VPS53: variants seen among roughly 807,000 people sequenced by gnomAD.
The protein encoded by VPS53 is vacuolar protein sorting-associated protein 53 homolog.
In VPS53, 70 loss-of-function variants were observed where a neutral mutation model predicts 107.0. That is an observed-to-expected ratio of 0.65 (90% CI 0.54 to 0.80). The LOEUF is 0.80. Ranked by LOEUF, VPS53 falls within the 30% of genes least tolerant of loss-of-function variation. The probability of loss-of-function intolerance (pLI) is 0.00; values close to 1 mark genes in which losing one functional copy is unlikely to be tolerated. For synonymous variants in VPS53, 409 were observed against 393.3 expected (o/e 1.04, Z -0.47); for missense variants, 917 against 1,049.4 (o/e 0.87, Z 1.74).
intron 17 of VPS53, among the ~76,000 whole-genome samples, chr17:549,581 T>C (rs3744733): frequency 0.17 from 22,455 of 135,976 alleles, 2,164 homozygotes; most frequent in East Asian, 0.29. Context: ...CGTGATTTTA[T>C]TGAAAAAAAA....
intron 18 of VPS53, among the ~76,000 whole-genome samples, chr17:535,223 A>AG (rs960636389): frequency 1.2e-4 from 18 of 152,260 alleles, no homozygotes; most frequent in Non-Finnish European, 2.4e-4. Context: ...TACAGATGTG[A>AG]GGGGGGGCAT....
At chr17:555,197 C>T (rs1038124540) in intron 15 of VPS53, among the ~76,000 whole-genome samples, 10 of 152,270 alleles carry the variant, frequency 6.6e-5, no homozygotes, top group African/African-American at 2.2e-4. Flanking sequence ...TTGCCACTTT[C>T]CACCTTGCCT....
At position 662,453 on chromosome 17, in the gene VPS53, G is replaced by A. The variant is rs552728623; in HGVS notation, c.286-558C>T. Among the ~76,000 whole-genome samples the A allele has an allele frequency of 9.5e-4, 144 of 152,134 alleles. 2 individuals are homozygous for A. Among genetic ancestry groups the A allele is most frequent in the African/African-American group, 3.4e-3 (141 of 41,528 alleles). On this transcript the variant is annotated intron_variant, in intron 4 of 21. Transcript: ENST00000437048. Reference sequence around the variant, plus strand: ...GCCTGTAATCCCAGCACTTTGGGAGGCCAAGGCGGGCAGATCACGAGGTCA... The same window carrying A: ...GCCTGTAATCCCAGCACTTTGGGAGACCAAGGCGGGCAGATCACGAGGTCA...
intron 20 of VPS53, 45 bp downstream of exon 20, chr17:521,556 A>C: frequency 6.7e-7 from 1 of 1,489,002 alleles, no homozygotes; most frequent in Non-Finnish European, 9.0e-7. Context: ...TTCTCAGAAA[A>C]AGAGATTAAA....
intron 7 of VPS53, among the ~76,000 whole-genome samples, chr17:640,225 T>C (rs1970369043): frequency 6.6e-6 from 1 of 152,196 alleles, no homozygotes; most frequent in Non-Finnish European, 1.5e-5. Flanking sequence ...TCTCCTGGTG[T>C]GCCATTTGCT....
chr17:707,260 G>A (rs1973442128), intron 2 of VPS53, among the ~76,000 whole-genome samples: 3 of 152,006 alleles, frequency 2.0e-5, no homozygotes, highest in South Asian at 4.1e-4. Context: ...GGTGGCTCAC[G>A]CCTGTCATCC....
At chr17:546,354 C>CACAG (rs1207343194) in intron 17 of VPS53, among the ~76,000 whole-genome samples, 1 of 151,132 alleles carries the variant, frequency 6.6e-6, no homozygotes, top group African/African-American at 2.4e-5. Flanking sequence ...CACACACACA[C>CACAG]ACACACACAC....
intron 4 of VPS53, chr17:674,990 G>A (rs1268504928): frequency 2.0e-5 from 3 of 152,144 alleles, no homozygotes; most frequent in Admixed American, 6.5e-5. Flanking sequence ...TATTTTGCAA[G>A]GTAAACATTT....
chr17:617,023 A>C (rs1441033418), intron 11 of VPS53, among the ~76,000 whole-genome samples: 1 of 152,200 alleles, frequency 6.6e-6, no homozygotes, highest in East Asian at 1.9e-4. Context: ...AGAATGGCTC[A>C]AAACAAGTGC....
intron 17 of VPS53, among the ~76,000 whole-genome samples, chr17:541,550 C>T (rs1343142114): frequency 1.3e-5 from 2 of 152,096 alleles, no homozygotes; most frequent in African/African-American, 2.4e-5. Flanking sequence ...GCACCTACCA[C>T]GCACTGAAGG....
At chr17:713,576 C>G (rs1973720248) in intron 1 of VPS53, among the ~76,000 whole-genome samples, 1 of 151,348 alleles carries the variant, frequency 6.6e-6, no homozygotes, top group African/African-American at 2.4e-5. Flanking sequence ...TCACTTGAAC[C>G]TGGAAGCGGA....
chr17:585,771 G>A (rs971734190), intron 13 of VPS53, among the ~76,000 whole-genome samples: 1 of 152,178 alleles, frequency 6.6e-6, no homozygotes, highest in African/African-American at 2.4e-5. Context: ...GGGCATTAAT[G>A]GGACAGTATT....
chr17:528,694 G>A (rs530681834), intron 19 of VPS53, among the ~76,000 whole-genome samples: 1 of 150,132 alleles, frequency 6.7e-6, no homozygotes, highest in Admixed American at 6.7e-5. Context: ...TGCCTCCCAG[G>A]TTCAAGTGAT....
At chr17:635,016 T>C (rs968194644) in intron 7 of VPS53, among the ~76,000 whole-genome samples, 1 of 152,192 alleles carries the variant, frequency 6.6e-6, no homozygotes, top group Admixed American at 6.5e-5. Context: ...CCACCAACAG[T>C]GTAAAATTGT....
chr17:686,947 G>C (rs1279496016), intron 4 of VPS53, among the ~76,000 whole-genome samples: 1 of 151,452 alleles, frequency 6.6e-6, no homozygotes, highest in Non-Finnish European at 1.5e-5. Flanking sequence ...AGGAGTTTGA[G>C]ACTAGCCTGG....
intron 7 of VPS53, among the ~76,000 whole-genome samples, chr17:646,313 C>T (rs1970704291): frequency 7.8e-6 from 1 of 127,604 alleles, no homozygotes; most frequent in African/African-American, 2.7e-5. Flanking sequence ...GTGGCCTCTG[C>T]CTGATAAGGG....
intron 2 of VPS53, among the ~76,000 whole-genome samples, chr17:707,660 G>A (rs994658263): frequency 2.6e-5 from 4 of 151,984 alleles, no homozygotes; most frequent in African/African-American, 9.7e-5. Flanking sequence ...ACCAGCCTGG[G>A]CTTCGTAGTG....
intron 11 of VPS53, among the ~76,000 whole-genome samples, chr17:613,208 CAT>C (rs1406311828): frequency 1.3e-5 from 2 of 150,262 alleles, no homozygotes; most frequent in Admixed American, 6.6e-5. Flanking sequence ...CAAATATTCA[CAT>C]AGTGAGTTCA....
chr17:599,096 G>A (rs1377292671), intron 12 of VPS53, among the ~76,000 whole-genome samples: 2 of 144,000 alleles, frequency 1.4e-5, no homozygotes, highest in African/African-American at 5.1e-5. Context: ...GAGCCCCTCT[G>A]CCAGGCCAGC....
Sources: gnomAD v4.1 joint callset for allele counts (sites outside exome capture counted in the v4.1 genomes callset) on GRCh38, gnomAD v4.1.1 for gene constraint, MANE v1.5 for transcripts, NCBI Gene and HGNC (gene_info 2026-07-23, HGNC 2026-07-21) for gene names.